AMOT: variants seen among roughly 807,000 people sequenced by gnomAD.
The protein encoded by AMOT is angiomotin.
In AMOT, 11 loss-of-function variants were observed where a neutral mutation model predicts 67.0. The observed-to-expected ratio is 0.16, with a 90% CI of 0.10 to 0.27. The LOEUF is 0.27. Among genes scored for constraint, AMOT ranks in the 10% least tolerant of loss-of-function variants. The pLI is 1.00. For missense variants in AMOT, 753 were observed against 852.0 expected, an observed-to-expected ratio of 0.88 and a Z score of 1.45; for synonymous variants, 326 against 321.4, an observed-to-expected ratio of 1.01 and a Z score of -0.15.
rs1346756413 is a variant in AMOT at position 112,823,172 on chromosome X, C to G, written c.-46G>C. 9.1e-7 allele frequency: 1 copy of G among 1,103,562 alleles called. No individual in the cohort carries two copies. Among genetic ancestry groups the G allele is most frequent in the Admixed American group, 3.0e-5 (1 of 33,060 alleles). 90.9% of individuals were successfully genotyped at this position (1,103,562 alleles called of 1,213,427 possible). A position where few individuals can be genotyped will look rare whatever the true frequency, so the allele number is the denominator to read the frequency against. Reference sequence around the variant, plus strand: ...TGTGAAGAGAGAGAGAAATTGGGCACCTGGGCTGCCCTTGACCTGGGAAGG... The same window carrying G: ...TGTGAAGAGAGAGAGAAATTGGGCAGCTGGGCTGCCCTTGACCTGGGAAGG... On this transcript the variant is annotated 5_prime_UTR_variant, in exon 4 of 14. Transcript: ENST00000371959.
intron 8 of AMOT, among the ~76,000 whole-genome samples, chrX:112,797,667 GCTAC>G (rs2147794031): frequency 9.0e-6 from 1 of 111,436 alleles, no homozygotes; most frequent in Admixed American, 9.5e-5. Context: ...TATAATCCCA[GCTAC>G]CTGGGTGGCG....
intron 1 of AMOT, among the ~76,000 whole-genome samples, chrX:112,839,464 T>G (rs1935231439): frequency 9.0e-6 from 1 of 111,722 alleles, no homozygotes; most frequent in African/African-American, 3.3e-5. Context: ...GAGGGTTATA[T>G]TCATAAAAGT....
rs959034006 is a variant in AMOT, at chrX:112,809,748, T to A, written c.1630+146A>T. On this transcript the variant is annotated intron_variant, in intron 7 of 13. Coordinates refer to ENST00000371959, the MANE Select transcript of AMOT (RefSeq NM_001113490.2). Reference sequence around the variant, plus strand: ...GAGGAAAAGAACAGAATCTTCCAACTTCATGCCTGAATAGGAAAAACAATC... The same window carrying A: ...GAGGAAAAGAACAGAATCTTCCAACATCATGCCTGAATAGGAAAAACAATC... 1.7e-5 allele frequency: 8 copies of A among 479,563 alleles called. No individual in the cohort carries two copies. The African/African-American group carries it at 1.7e-4, about 10-fold the overall frequency. The allele number at this position is 479,563 out of a possible 1,213,427, so 39.5% of individuals were successfully genotyped here.
Position 112,790,314 on chromosome X carries a change from G to A in AMOT, c.2117+278C>T, listed in dbSNP as rs182718277. Among the ~76,000 whole-genome samples, 3 of 109,707 alleles carry A rather than the reference G, an allele frequency of 2.7e-5. No individual in the cohort carries two copies. In the East Asian group the frequency reaches 8.7e-4, roughly 32 times the overall value. ...AATCTGTGGCTCTGGGGAAGGAGGG[G>A]TGCAAATTTTCAGCTGATCCCATCT... On this transcript the variant is annotated intron_variant, in intron 10 of 13. Coordinates refer to ENST00000371959, the MANE Select transcript of AMOT (RefSeq NM_001113490.2).
At chrX:112,812,398 C>T (rs1934398025) in intron 5 of AMOT, among the ~76,000 whole-genome samples, 1 of 111,314 alleles carries the variant, frequency 9.0e-6, no homozygotes. Flanking sequence ...GGACTTTATC[C>T]CATAGTCAAT....
intron 2 of AMOT, among the ~76,000 whole-genome samples, chrX:112,829,615 A>C (rs1934936096): frequency 8.9e-6 from 1 of 112,481 alleles, no homozygotes; most frequent in Admixed American, 9.4e-5. Flanking sequence ...CTATTAGATT[A>C]GGTTGAAAAA....
intron 8 of AMOT, among the ~76,000 whole-genome samples, chrX:112,793,806 C>T (rs1438034376): frequency 3.6e-5 from 4 of 112,037 alleles, no homozygotes. Context: ...CACCATCAAA[C>T]TCTTTACCTC....
intron 7 of AMOT, among the ~76,000 whole-genome samples, chrX:112,809,218 T>C (rs1317782986): frequency 4.5e-5 from 5 of 112,234 alleles, no homozygotes; most frequent in Admixed American, 3.8e-4. Context: ...GAAGTTTTTA[T>C]TGCTGGTTTT....
chrX:112,792,031 C>T (rs1216710183), intron 8 of AMOT, 50 bp from the exon 9 acceptor site: 1 of 1,180,713 alleles, frequency 8.5e-7, no homozygotes, highest in Admixed American at 2.2e-5. Context: ...AAACAGCAAG[C>T]AACAGGGTCA....
chrX:112,798,182 T>C (rs1354753792), intron 8 of AMOT, among the ~76,000 whole-genome samples: 3 of 112,221 alleles, frequency 2.7e-5, no homozygotes, highest in African/African-American at 9.7e-5. Flanking sequence ...AGGTCTACTA[T>C]GCAAATACTC....
At position 112,804,966 on chromosome X, in the gene AMOT, A is replaced by G. The variant is rs1227232656; in HGVS notation, c.1757T>C (p.Val586Ala). 1.7e-6 allele frequency: 2 copies of G among 1,189,660 alleles called. No homozygotes were observed. Among genetic ancestry groups the G allele is most frequent in the Non-Finnish European group, 2.3e-6 (2 of 883,543 alleles). ...CCATACCTCTTCTTCCAGCTTTACC[A>G]CCTTGGCCTGGGCATTACTCAGGGC... Reference protein sequence around the residue: ...DQALSNAQAKVVKLEEELKKK... With the variant: ...DQALSNAQAKAVKLEEELKKK... Residue 586 changes from valine to alanine, a missense_variant, in exon 8 of 14, where the codon GTG (valine) becomes GCG (alanine). By Grantham distance (64) the Val-to-Ala change is moderately conservative. Coordinates refer to ENST00000371959, the MANE Select transcript of AMOT (RefSeq NM_001113490.2).
intron 10 of AMOT, among the ~76,000 whole-genome samples, chrX:112,787,380 A>G (rs1005506714): frequency 8.9e-6 from 1 of 112,302 alleles, no homozygotes; most frequent in Non-Finnish European, 1.9e-5. Flanking sequence ...ATGGGTTTCA[A>G]AATCATTGTG....
intron 9 of AMOT, among the ~76,000 whole-genome samples, chrX:112,791,016 T>C (rs1933555185): frequency 9.0e-6 from 1 of 111,132 alleles, no homozygotes; most frequent in South Asian, 3.8e-4. Flanking sequence ...GTCATGCTAC[T>C]CAGAAAGTGA....
At chrX:112,813,710 T>C (rs191544622) in intron 5 of AMOT, among the ~76,000 whole-genome samples, 1 of 111,612 alleles carries the variant, frequency 9.0e-6, no homozygotes, top group East Asian at 2.8e-4. Flanking sequence ...CCTTCAGTGA[T>C]TGTATCAAAG....
At chrX:112,824,967 C>T (rs1304745126) in intron 3 of AMOT, 105 bp downstream of exon 3, 1 of 109,937 alleles carries the variant, frequency 9.1e-6, no homozygotes, top group Non-Finnish European at 1.9e-5. Flanking sequence ...ACCACCCCCT[C>T]CCACGTCACA....
Position 112,782,572 on chromosome X carries a change from C to T in AMOT, c.2208G>A (p.Met736Ile). The change falls in exon 11 of 14, where the codon ATG (methionine) becomes ATA (isoleucine). Residue 736 changes from methionine (M) to isoleucine (I), a missense_variant. Physicochemically the swap from Met to Ile is conservative, Grantham distance 10 (BLOSUM62 1). Coordinates refer to ENST00000371959, the MANE Select transcript of AMOT (RefSeq NM_001113490.2). ...RIQKEEEEIL[M>I]ANKRCLDMEG... ...CCATGTCAAGGCAACGCTTATTGGC[C>T]ATCAAGATTTCTTCCTCCTCTTTCT... The T allele has an allele frequency of 8.3e-7, 1 of 1,211,697 alleles. No individual in the cohort carries two copies. Among genetic ancestry groups the T allele is most frequent in the Non-Finnish European group, 1.1e-6 (1 of 895,472 alleles).
chrX:112,827,091 C>T (rs748115193), intron 2 of AMOT, among the ~76,000 whole-genome samples: 7 of 112,597 alleles, frequency 6.2e-5, no homozygotes, highest in Non-Finnish European at 1.1e-4. Flanking sequence ...CTCCTGACCT[C>T]AGGGATCTGC....
chrX:112,836,671 G>C (rs1452141485), intron 1 of AMOT, among the ~76,000 whole-genome samples: 7 of 109,784 alleles, frequency 6.4e-5, no homozygotes, highest in Non-Finnish European at 1.3e-4. Flanking sequence ...CTTAATTTTG[G>C]GTTGTTAAAA....
chrX:112,819,369 A>C (rs1043673606), intron 4 of AMOT: 1 of 752,903 alleles, frequency 1.3e-6, no homozygotes, highest in African/African-American at 2.3e-5. Context: ...GAATCGGTGA[A>C]TCTGTGAATC....
Sources: allele counts gnomAD v4.1 joint callset (sites outside exome capture counted in the v4.1 genomes callset), GRCh38; gene constraint gnomAD v4.1.1; transcripts MANE v1.5; gene names NCBI Gene and HGNC (gene_info 2026-07-23, HGNC 2026-07-21).